SMG6: variants seen among roughly 807,000 people sequenced by gnomAD.
SMG6 encodes the protein telomerase-binding protein EST1A.
In SMG6, 66 loss-of-function variants were observed where a neutral mutation model predicts 142.2. The ratio of observed to expected loss-of-function variants is 0.46; its 90% CI spans 0.38 to 0.57. SMG6 has a LOEUF of 0.57. Ranked by LOEUF, SMG6 falls within the 20% of genes least tolerant of loss-of-function variation. SMG6 has a pLI of 0.00. For synonymous variants in SMG6, 779 were observed against 702.4 expected, an observed-to-expected ratio of 1.11 and a Z score of -1.72; for missense variants, 1,793 against 1,832.0, an observed-to-expected ratio of 0.98 and a Z score of 0.39.
At position 2,085,945 on chromosome 17, in the gene SMG6, G is replaced by T; in HGVS notation, c.3358-44C>A. ...AGAAGAAAAACAGCATTTTCTGAAA[G>T]GGAAGATGGAGACGAGATGTTGCTT... On this transcript the variant is annotated intron_variant, in intron 13 of 18. Transcript: ENST00000263073. This position sits in a 1 kb window ranked among gnomAD's most constrained non-coding sequence, Gnocchi z 4.1. 1 of 1,594,102 alleles carries T rather than the reference G, an allele frequency of 6.3e-7. No homozygotes were observed. Among genetic ancestry groups the T allele is most frequent in the Non-Finnish European group, 8.6e-7 (1 of 1,163,066 alleles).
chr17:2,191,317 A>T (rs1469225842), intron 10 of SMG6, among the ~76,000 whole-genome samples: 1 of 152,188 alleles, frequency 6.6e-6, no homozygotes, highest in African/African-American at 2.4e-5. Flanking sequence ...TGGGTAGGAA[A>T]ACAGCATCTA....
chr17:2,088,210 C>T (rs901297969), intron 13 of SMG6: 66 of 985,260 alleles, frequency 6.7e-5, no homozygotes, highest in Non-Finnish European at 7.5e-5. Context: ...TGCTAGAGCA[C>T]GGGCTACATG....
At chr17:2,247,833 C>T (rs2073957706) in intron 8 of SMG6, among the ~76,000 whole-genome samples, 1 of 151,208 alleles carries the variant, frequency 6.6e-6, no homozygotes, top group African/African-American at 2.4e-5. Flanking sequence ...GTGGCTTACG[C>T]CTGTAGTCCC....
intron 13 of SMG6, among the ~76,000 whole-genome samples, chr17:2,091,038 T>C (rs765572301): frequency 7.2e-5 from 11 of 152,188 alleles, no homozygotes; most frequent in Non-Finnish European, 1.5e-4. Context: ...ACCTCCAGGA[T>C]TGGCCACAAG....
chr17:2,288,767 C>CA (rs2074964564), intron 6 of SMG6, among the ~76,000 whole-genome samples: 1 of 151,462 alleles, frequency 6.6e-6, no homozygotes, highest in Non-Finnish European at 1.5e-5. Context: ...CCCGTCTCTA[C>CA]AAAAAATACA....
chr17:2,223,162 C>G (rs1251989158), intron 10 of SMG6, among the ~76,000 whole-genome samples: 1 of 152,210 alleles, frequency 6.6e-6, no homozygotes, highest in East Asian at 1.9e-4. Flanking sequence ...AGATCTTTCT[C>G]CCTGCAGTCC....
Position 2,298,073 on chromosome 17 carries a change from C to G in SMG6, c.1848-18G>C. On this transcript the variant is annotated intron_variant, in intron 2 of 18. Transcript: ENST00000263073. ...GTTCAGCTCTGGAATAAAATACATG[C>G]AACTTCCAGCTCCAAATACACCACA... 1.9e-6 allele frequency: 3 copies of G among 1,579,908 alleles called. No homozygotes were observed. The highest frequency in any genetic ancestry group is 2.6e-6 in the Non-Finnish European group (3 of 1,167,666).
intron 8 of SMG6, among the ~76,000 whole-genome samples, chr17:2,281,542 T>C (rs1378995333): frequency 6.6e-6 from 1 of 152,146 alleles, no homozygotes; most frequent in African/African-American, 2.4e-5. Context: ...CATTTCTTGG[T>C]TCAAGTCTTT....
At chr17:2,073,418 C>G (rs1305322227) in intron 15 of SMG6, among the ~76,000 whole-genome samples, 3 of 151,842 alleles carry the variant, frequency 2.0e-5, no homozygotes, top group Non-Finnish European at 4.4e-5. Flanking sequence ...TTTAAAGAGA[C>G]ACGAGTCTCA....
chr17:2,103,366 G>A (rs1270481187), intron 13 of SMG6, among the ~76,000 whole-genome samples: 1 of 152,200 alleles, frequency 6.6e-6, no homozygotes, highest in Non-Finnish European at 1.5e-5. Flanking sequence ...TACTCTGATG[G>A]AAAAGGGTGG....
At chr17:2,260,063 A>T (rs2074278570) in intron 8 of SMG6, among the ~76,000 whole-genome samples, 1 of 152,230 alleles carries the variant, frequency 6.6e-6, no homozygotes. Context: ...AAAAATGGTC[A>T]TTCAGGTTTG....
rs144607655 is a variant in SMG6 at position 2,065,057 on chromosome 17, G to C, written c.4129+16C>G. On this transcript the variant is annotated intron_variant, in intron 18 of 18. Transcript: ENST00000263073. Reference sequence around the variant, plus strand: ...CAGTGGGGATGGAAGATCCCAAGGCGGAGGCAAAGCTGTACCTTTGCTGGC... The same window carrying C: ...CAGTGGGGATGGAAGATCCCAAGGCCGAGGCAAAGCTGTACCTTTGCTGGC... The C allele has an allele frequency of 8.7e-6, 14 of 1,608,262 alleles. No individual in the cohort carries two copies. The highest frequency in any genetic ancestry group is 1.2e-5 in the Non-Finnish European group (14 of 1,175,130).
intron 8 of SMG6, among the ~76,000 whole-genome samples, chr17:2,262,013 T>C (rs2074326445): frequency 6.6e-6 from 1 of 152,206 alleles, no homozygotes; most frequent in Admixed American, 6.5e-5. Flanking sequence ...TCTCAGAGAT[T>C]TGTGGCACAA....
chr17:2,283,785 C>G (rs775881167), intron 6 of SMG6, 50 bp from the exon 7 acceptor site: 1 of 1,449,638 alleles, frequency 6.9e-7, no homozygotes, highest in African/African-American at 1.4e-5. Flanking sequence ...CGTCCTAACT[C>G]CAGCAAGAGG....
chr17:2,172,952 C>T lies in SMG6; in HGVS notation c.3156-93G>A. ...TTTGTGAGCAGGGAAGTACTTGCAG[C>T]AAATGTTGTCTAGGCTGGCATCTGC... On this transcript the variant is annotated intron_variant, in intron 12 of 18. Coordinates refer to ENST00000263073, the MANE Select transcript of SMG6 (RefSeq NM_017575.5). 21 of 1,219,494 alleles carry T rather than the reference C, an allele frequency of 1.7e-5. No homozygotes were observed. The South Asian group carries it at 2.7e-4, about 15-fold the overall frequency. 75.5% of individuals were successfully genotyped at this position (1,219,494 alleles called of 1,614,324 possible).
chr17:2,252,395 A>G (rs1270139253), intron 8 of SMG6, among the ~76,000 whole-genome samples: 2 of 103,050 alleles, frequency 1.9e-5, no homozygotes, highest in South Asian at 3.5e-4. Context: ...CAAGACTCCA[A>G]CTCAAAAAAA....
At chr17:2,166,269 A>T (rs188625218) in intron 13 of SMG6, among the ~76,000 whole-genome samples, 23 of 152,250 alleles carry the variant, frequency 1.5e-4, no homozygotes, top group Admixed American at 1.4e-3. Flanking sequence ...TCCAGTGAGA[A>T]TCTACCTAAT....
intron 10 of SMG6, among the ~76,000 whole-genome samples, chr17:2,220,195 C>T (rs192586397): frequency 4.6e-5 from 7 of 152,212 alleles, no homozygotes; most frequent in Admixed American, 2.0e-4. Context: ...TGAGCCACCA[C>T]GCTTGGCCTA....
At chr17:2,253,557 G>A (rs1218805194) in intron 8 of SMG6, among the ~76,000 whole-genome samples, 1 of 152,092 alleles carries the variant, frequency 6.6e-6, no homozygotes, top group Non-Finnish European at 1.5e-5. Flanking sequence ...AAACAGTCAC[G>A]ATTCTCATGA....
Sources: gnomAD v4.1 joint callset for allele counts (sites outside exome capture counted in the v4.1 genomes callset) on GRCh38, gnomAD v4.1.1 for gene constraint, Gnocchi (gnomAD v3.1) non-coding constraint, MANE v1.5 for transcripts, NCBI Gene and HGNC (gene_info 2026-07-23, HGNC 2026-07-21) for gene names.